The following POU2F3 variants were observed in gnomAD, a reference collection of about 807,000 sequenced individuals.
POU2F3 encodes POU class 2 homeobox 3.
A neutral mutation model predicts 59.2 loss-of-function variants in POU2F3; 23 were observed. The observed-to-expected ratio is 0.39, with a 90% confidence interval of 0.28 to 0.55. The LOEUF (loss-of-function observed/expected upper bound fraction) is 0.55. POU2F3 is among the 20% of genes least tolerant of loss of function. The pLI, the probability that POU2F3 is intolerant of heterozygous loss-of-function variation, is 0.66. For missense variants in POU2F3, 473 were observed against 544.5 expected (o/e 0.87, Z 1.31); for synonymous variants, 190 against 214.6 (o/e 0.89, Z 1.00).
chr11:120,240,419 C>A, intron 1 of POU2F3, 48 bp downstream of exon 1: 1 of 1,349,544 alleles, frequency 7.4e-7, no homozygotes, highest in Non-Finnish European at 9.6e-7. Flanking sequence ...TGCGCGTGGG[C>A]AGGGGTGAAG....
chr11:120,236,693 C>CTAAAGGAGGAAGGGG (rs1815655260), upstream of POU2F3: 1 of 1,505,176 alleles, frequency 6.6e-7, no homozygotes, highest in African/African-American at 1.4e-5. Context: ...CCAAGAACTG[C>CTAAAGGAGGAAGGGG]TAAAGGAGGA....
At chr11:120,243,591 C>T (rs1262354232) in intron 1 of POU2F3, among the ~76,000 whole-genome samples, 1 of 152,136 alleles carries the variant, frequency 6.6e-6, no homozygotes, top group Non-Finnish European at 1.5e-5. Context: ...CACAGAGGAG[C>T]CTGGCCCCAC....
At chr11:120,236,668 G>T (rs770904381), upstream of POU2F3, 2 of 1,502,088 alleles carry the variant, frequency 1.3e-6, no homozygotes, top group Non-Finnish European at 1.8e-6. Flanking sequence ...TCAAAAAACC[G>T]GTTTCATGGA....
At chr11:120,304,679 T>C (rs1941435181) in intron 6 of POU2F3, among the ~76,000 whole-genome samples, 1 of 151,856 alleles carries the variant, frequency 6.6e-6, no homozygotes, top group South Asian at 2.1e-4. Flanking sequence ...TTTGGAATCT[T>C]TGTAAACAAC....
chr11:120,312,314 G>C (rs909990228), intron 10 of POU2F3, among the ~76,000 whole-genome samples: 2 of 151,986 alleles, frequency 1.3e-5, no homozygotes, highest in Non-Finnish European at 2.9e-5. Context: ...GTAGAGACGG[G>C]GTTTCACCAT....
intron 2 of POU2F3, among the ~76,000 whole-genome samples, chr11:120,262,636 C>G (rs893806420): frequency 1.3e-5 from 2 of 152,224 alleles, no homozygotes; most frequent in Non-Finnish European, 2.9e-5. Flanking sequence ...TATGCACACG[C>G]ATTTTTAATT....
chr11:120,262,430 A>G (rs1392128656), intron 2 of POU2F3, among the ~76,000 whole-genome samples: 1 of 152,174 alleles, frequency 6.6e-6, no homozygotes, highest in Non-Finnish European at 1.5e-5. Context: ...CAACCATCAA[A>G]TTCTTGCCAT....
rs1467714577 is a variant in POU2F3 at position 120,305,639 on chromosome 11, C to T, written c.628-5C>T. On this transcript the variant is annotated splice_region_variant and splice_polypyrimidine_tract_variant and intron_variant, in intron 7 of 12. Coordinates refer to ENST00000543440, the MANE Select transcript of POU2F3 (RefSeq NM_014352.4). Reference sequence around the variant, plus strand: ...ATGTTCCTCCCCCTCGGTCCCCACGCTTAGGGAGATGTGGGGCTGGCGATG... The same window carrying T: ...ATGTTCCTCCCCCTCGGTCCCCACGTTTAGGGAGATGTGGGGCTGGCGATG... The T allele has an allele frequency of 1.2e-6, 2 of 1,613,496 alleles. No individual in the cohort carries two copies. The highest frequency in any genetic ancestry group is 8.5e-7 in the Non-Finnish European group (1 of 1,179,940).
intron 8 of POU2F3, 128 bp downstream of exon 8, chr11:120,305,913 G>A (rs576505924): frequency 2.5e-5 from 30 of 1,193,446 alleles, no homozygotes; most frequent in Middle Eastern, 2.9e-4. Context: ...GACTGGAGCC[G>A]ATGGAGAAAC....
intron 3 of POU2F3, among the ~76,000 whole-genome samples, chr11:120,282,795 T>C: frequency 6.6e-6 from 1 of 152,268 alleles, no homozygotes; most frequent in East Asian, 1.9e-4. Context: ...TTTATGTTTA[T>C]ATTTTCCCCC....
intron 7 of POU2F3, 139 bp from the exon 8 acceptor site, chr11:120,305,504 AC>A: frequency 1.5e-6 from 2 of 1,290,982 alleles, no homozygotes; most frequent in Non-Finnish European, 2.1e-6. Context: ...GAGGGAGGAG[AC>A]TTGGAAAGGA....
At chr11:120,297,274 C>T (rs781431680) in intron 3 of POU2F3, among the ~76,000 whole-genome samples, 12 of 152,226 alleles carry the variant, frequency 7.9e-5, no homozygotes, top group Non-Finnish European at 1.6e-4. Flanking sequence ...GCACAAGCAG[C>T]ACTTCCTGCC....
At chr11:120,299,045 A>G (rs1201957764) in intron 4 of POU2F3, among the ~76,000 whole-genome samples, 2 of 152,188 alleles carry the variant, frequency 1.3e-5, no homozygotes, top group African/African-American at 4.8e-5. Context: ...CGATCCCCCA[A>G]GCATCGGAAT....
intron 3 of POU2F3, among the ~76,000 whole-genome samples, chr11:120,284,985 A>G (rs923668695): frequency 6.6e-6 from 1 of 152,234 alleles, no homozygotes; most frequent in Admixed American, 6.5e-5. Context: ...TTTTAAAAGG[A>G]GAAATGGAGT....
intron 7 of POU2F3, 81 bp downstream of exon 7, chr11:120,305,293 G>C (rs1004356659): frequency 4.7e-6 from 7 of 1,494,294 alleles, no homozygotes; most frequent in Non-Finnish European, 6.3e-6. Context: ...TTTCAAGAGC[G>C]ACCAGAGGCT....
At chr11:120,236,644 C>G (rs115204245), upstream of POU2F3, 43 of 1,475,268 alleles carry the variant, frequency 2.9e-5, 1 homozygote, top group South Asian at 4.0e-4. Context: ...CTCTATCTCA[C>G]TCCAGCCCAG....
intron 3 of POU2F3, among the ~76,000 whole-genome samples, chr11:120,273,836 C>T (rs986695694): frequency 1.3e-5 from 2 of 151,952 alleles, no homozygotes; most frequent in African/African-American, 2.4e-5. Context: ...GTCAGCATGG[C>T]GAAACACCAT....
chr11:120,267,646 C>T (rs1939884901), intron 2 of POU2F3, among the ~76,000 whole-genome samples: 2 of 152,158 alleles, frequency 1.3e-5, no homozygotes, highest in Non-Finnish European at 2.9e-5. Flanking sequence ...GGGGTTAAAA[C>T]AGGGAATTCT....
chr11:120,291,801 C>CTTTTAT (rs1369496999), intron 3 of POU2F3, among the ~76,000 whole-genome samples: 1 of 144,684 alleles, frequency 6.9e-6, no homozygotes, highest in Admixed American at 7.4e-5. Context: ...TTATAAATTT[C>CTTTTAT]TTTTCTTTTT....
Sources: gnomAD v4.1 joint callset for allele counts (sites outside exome capture counted in the v4.1 genomes callset) on GRCh38, gnomAD v4.1.1 for gene constraint, MANE v1.5 for transcripts, NCBI Gene and HGNC (gene_info 2026-07-23, HGNC 2026-07-21) for gene names.